PTPN7: variants seen among roughly 807,000 people sequenced by gnomAD.
PTPN7 encodes protein tyrosine phosphatase non-receptor type 7.
In PTPN7, 33 loss-of-function variants were observed where a neutral mutation model predicts 50.3. The observed-to-expected ratio is 0.66, with a 90% CI of 0.50 to 0.88. PTPN7 has a LOEUF of 0.88. Ranked by LOEUF, PTPN7 falls within the 40% of genes least tolerant of loss-of-function variation. The pLI is 0.00. For synonymous variants in PTPN7, 185 were observed against 186.6 expected, an observed-to-expected ratio of 0.99 and a Z score of 0.07; for missense variants, 412 against 475.4, an observed-to-expected ratio of 0.87 and a Z score of 1.24.
chr1:202,154,219 A>G lies in PTPN7; in HGVS notation c.573T>C (p.Ile191=). The G allele has an allele frequency of 6.2e-7, 1 of 1,614,006 alleles. No individual in the cohort carries two copies. Among genetic ancestry groups the G allele is most frequent in the Non-Finnish European group, 8.5e-7 (1 of 1,180,010 alleles). The change falls in exon 6 of 10, where the codon ATT becomes ATC. Residue 191 remains isoleucine, a synonymous_variant. Transcript: ENST00000691036. ...EMVWQEEVSL[I]VMLTQLREGK... ...CCTCTCGGAGCTGAGTGAGCATGAC[A>G]ATGAGGGACACTTCCTCTTGCCACA...
Position 202,154,189 on chromosome 1 carries a change from C to T in PTPN7, c.603G>A (p.Lys201=). 2 of 1,614,074 alleles carry T rather than the reference C, an allele frequency of 1.2e-6. No individual in the cohort carries two copies. Among genetic ancestry groups the T allele is most frequent in the Non-Finnish European group, 1.7e-6 (2 of 1,180,022 alleles). Residue 201 remains lysine, a synonymous_variant, in exon 6 of 10, where the codon AAG becomes AAA. Transcript: ENST00000691036. ...GAACTGTGGCTCTGCCTCCTACCTCCTTGCCCTCTCGGAGCTGAGTGAGCA... is the reference window on the plus strand; with the variant it reads ...GAACTGTGGCTCTGCCTCCTACCTCTTTGCCCTCTCGGAGCTGAGTGAGCA... ...IVMLTQLREG[K]EKCVHYWPTE...
upstream of PTPN7, chr1:202,161,478 C>T: frequency 7.8e-7 from 1 of 1,289,804 alleles, no homozygotes; most frequent in Non-Finnish European, 1.0e-6. Context: ...TGAAGGGTGG[C>T]CCCCAAGTCC....
In PTPN7 at chr1:202,147,598, G is replaced by C. The variant is rs1655466957; in HGVS notation, c.*1008C>G. ...CCCCTGGAAATTGTGTTGATGCTGA[G>C]ATGGATGAGGGGTGCTCATTCTCTC... On this transcript the variant is annotated 3_prime_UTR_variant, in exon 10 of 10. Transcript: ENST00000691036. The C allele has an allele frequency of 1.3e-5, 2 of 152,246 alleles. No individual in the cohort carries two copies. Among genetic ancestry groups the C allele is most frequent in the African/African-American group, 4.8e-5 (2 of 41,448 alleles). 9.4% of individuals were successfully genotyped at this position (152,246 alleles called of 1,614,324 possible). A position where few individuals can be genotyped will look rare whatever the true frequency, so the allele number is the denominator to read the frequency against.
chr1:202,149,146 T>C (rs1254565280), intron 9 of PTPN7, among the ~76,000 whole-genome samples: 2 of 152,096 alleles, frequency 1.3e-5, no homozygotes, highest in Non-Finnish European at 2.9e-5. Context: ...TGAGCCACCA[T>C]GCCCCACCAC....
chr1:202,160,890 T>C, upstream of PTPN7: 1 of 1,461,196 alleles, frequency 6.8e-7, no homozygotes. This position sits in a 1 kb window ranked among gnomAD's most constrained non-coding sequence, Gnocchi z 4.8. Context: ...GCTGCCTACT[T>C]GCTGGGCACA....
chr1:202,161,219 C>G (rs1381003427), upstream of PTPN7: 4 of 1,122,966 alleles, frequency 3.6e-6, no homozygotes, highest in Non-Finnish European at 4.4e-6. Context: ...GTCTCCACGC[C>G]TGTGCCACGG....
upstream of PTPN7, chr1:202,160,671 G>C: frequency 7.1e-6 from 11 of 1,550,412 alleles, no homozygotes; most frequent in Non-Finnish European, 8.7e-6. The surrounding 1 kb of genome is among the most constrained non-coding windows in gnomAD (Gnocchi z 4.8). Context: ...TGCCACCCAC[G>C]CACACCCCAG....
Position 202,154,178 on chromosome 1 carries a change from CCT to C in PTPN7, c.606+6_606+7del. ...GGGTTCATCATGAACTGTGGCTCTG[CCT>C]CCTACCTCCTTGCCCTCTCGGAGCT... On this transcript the variant is annotated splice_donor_region_variant and intron_variant, in intron 6 of 9. Transcript: ENST00000691036. The C allele has an allele frequency of 6.2e-7, 1 of 1,613,926 alleles. No individual in the cohort carries two copies. Among genetic ancestry groups the C allele is most frequent in the Non-Finnish European group, 8.5e-7 (1 of 1,180,008 alleles).
At chr1:202,153,450 C>A (rs1656272830) in intron 7 of PTPN7, among the ~76,000 whole-genome samples, 2 of 152,216 alleles carry the variant, frequency 1.3e-5, no homozygotes, top group Admixed American at 6.5e-5. Context: ...ACCTCCTCTC[C>A]TTCCCTTGGC....
Position 202,160,012 on chromosome 1 carries a change from G to A in PTPN7, c.-53+533C>T. The A allele has an allele frequency of 2.0e-6, 2 of 995,008 alleles. No individual in the cohort carries two copies. Among genetic ancestry groups the A allele is most frequent in the Non-Finnish European group, 2.4e-6 (2 of 834,448 alleles). 61.6% of individuals were successfully genotyped at this position (995,008 alleles called of 1,614,324 possible). Reference sequence around the variant, plus strand: ...TCTGGCTTCTGGGGTCTCTGTCCAGGGAGGTAGGCTGGAGGTGTTTCCTTC... The same window carrying A: ...TCTGGCTTCTGGGGTCTCTGTCCAGAGAGGTAGGCTGGAGGTGTTTCCTTC... On this transcript the variant is annotated intron_variant, in intron 1 of 9. Coordinates refer to ENST00000691036, the MANE Select transcript of PTPN7 (RefSeq NM_002832.4). This position sits in a 1 kb window ranked among gnomAD's most constrained non-coding sequence, Gnocchi z 4.8.
chr1:202,151,451 C>G (rs1418628518), intron 8 of PTPN7, among the ~76,000 whole-genome samples: 1 of 152,212 alleles, frequency 6.6e-6, no homozygotes, highest in Admixed American at 6.5e-5. Flanking sequence ...TGGTCAAAGT[C>G]TGGTTTAGGA....
chr1:202,149,820 C>CTTTTT (rs796249545), intron 9 of PTPN7: 1 of 123,202 alleles, frequency 8.1e-6, no homozygotes, highest in African/African-American at 3.2e-5. Context: ...GACAGATATT[C>CTTTTT]TTTTTTTTGT....
In PTPN7 at chr1:202,159,904, C is replaced by T; in HGVS notation, c.-52-450G>A. 9.9e-7 allele frequency: 1 copy of T among 1,015,148 alleles called. No homozygotes were observed. The highest frequency in any genetic ancestry group is 1.2e-6 in the Non-Finnish European group (1 of 849,058). 62.9% of individuals were successfully genotyped at this position (1,015,148 alleles called of 1,614,324 possible). On this transcript the variant is annotated intron_variant, in intron 1 of 9. Coordinates refer to ENST00000691036, the MANE Select transcript of PTPN7 (RefSeq NM_002832.4). This position sits in a 1 kb window ranked among gnomAD's most constrained non-coding sequence, Gnocchi z 4.6. ...ATGGAGGCCTCCAGCAGTGTTGGAGCTGGTTGGGCAGCCAGGCAGGCGGGC... is the reference window on the plus strand; with the variant it reads ...ATGGAGGCCTCCAGCAGTGTTGGAGTTGGTTGGGCAGCCAGGCAGGCGGGC...
intron 8 of PTPN7, 49 bp downstream of exon 8, chr1:202,152,493 G>A: frequency 6.3e-7 from 1 of 1,589,226 alleles, no homozygotes. Context: ...CCAGGGGGCA[G>A]GGGAGGGGAG....
chr1:202,159,931 C>T lies in PTPN7; in HGVS notation c.-52-477G>A, dbSNP rs904993227. 9.9e-7 allele frequency: 1 copy of T among 1,007,884 alleles called. No individual in the cohort carries two copies. The highest frequency in any genetic ancestry group is 1.7e-5 in the African/African-American group (1 of 57,952). The allele number at this position is 1,007,884 out of a possible 1,614,324, so 62.4% of individuals were successfully genotyped here. On this transcript the variant is annotated intron_variant, in intron 1 of 9. Coordinates refer to ENST00000691036, the MANE Select transcript of PTPN7 (RefSeq NM_002832.4). The surrounding 1 kb of genome is among the most constrained non-coding windows in gnomAD (Gnocchi z 4.6). ...GGTTGGGCAGCCAGGCAGGCGGGCTCCTGGACCCCAGCAGGGTCCTCTCCT... is the reference window on the plus strand; with the variant it reads ...GGTTGGGCAGCCAGGCAGGCGGGCTTCTGGACCCCAGCAGGGTCCTCTCCT...
At chr1:202,153,016 T>C (rs1337798425) in intron 7 of PTPN7, among the ~76,000 whole-genome samples, 1 of 152,194 alleles carries the variant, frequency 6.6e-6, no homozygotes, top group East Asian at 1.9e-4. Context: ...GATATCTTAC[T>C]GGTTTACTTG....
chr1:202,157,626 G>C, intron 4 of PTPN7, 113 bp downstream of exon 4: 1 of 940,356 alleles, frequency 1.1e-6, no homozygotes, highest in Admixed American at 2.3e-5. Context: ...GCTGAGAGAA[G>C]ATGTGCCAAG....
chr1:202,159,683 A>G lies in PTPN7; in HGVS notation c.-52-229T>C. The G allele has an allele frequency of 5.8e-6, 8 of 1,379,308 alleles. No individual in the cohort carries two copies. Among genetic ancestry groups the G allele is most frequent in the Non-Finnish European group, 7.5e-6 (8 of 1,067,180 alleles). 85.4% of individuals were successfully genotyped at this position (1,379,308 alleles called of 1,614,324 possible). A position where few individuals can be genotyped will look rare whatever the true frequency, so the allele number is the denominator to read the frequency against. On this transcript the variant is annotated intron_variant, in intron 1 of 9. Coordinates refer to ENST00000691036, the MANE Select transcript of PTPN7 (RefSeq NM_002832.4). This position sits in a 1 kb window ranked among gnomAD's most constrained non-coding sequence, Gnocchi z 4.6. ...AGATAAAGGGTAGAGATTGTGGATG[A>G]AGATAGGAAAGAATCCAGAAGGAGG...
At position 202,160,559 on chromosome 1, in the gene PTPN7, C is replaced by T; in HGVS notation, c.-67G>A. 1.3e-6 allele frequency: 2 copies of T among 1,549,156 alleles called. No homozygotes were observed. Among genetic ancestry groups the T allele is most frequent in the South Asian group, 1.2e-5 (1 of 83,974 alleles). ...CAGATACTTACTGAAGCAGCTGTGGCCCCCAGGCTGCCTCTTGCCAGCTGT... is the reference window on the plus strand; with the variant it reads ...CAGATACTTACTGAAGCAGCTGTGGTCCCCAGGCTGCCTCTTGCCAGCTGT... On this transcript the variant is annotated 5_prime_UTR_variant, in exon 1 of 10. Coordinates refer to ENST00000691036, the MANE Select transcript of PTPN7 (RefSeq NM_002832.4). The surrounding 1 kb of genome is among the most constrained non-coding windows in gnomAD (Gnocchi z 4.8).
Sources: gnomAD v4.1 joint callset for allele counts (sites outside exome capture counted in the v4.1 genomes callset) on GRCh38, gnomAD v4.1.1 for gene constraint, Gnocchi (gnomAD v3.1) non-coding constraint, MANE v1.5 for transcripts, NCBI Gene and HGNC (gene_info 2026-07-23, HGNC 2026-07-21) for gene names.